LMBRD2: variants seen among roughly 807,000 people sequenced by gnomAD.
The protein encoded by LMBRD2 is G protein-coupled receptor-associated protein LMBRD2.
Under a neutral mutation model 94.4 loss-of-function variants are expected in LMBRD2, and 55 were observed. The observed-to-expected ratio is 0.58, with a 90% CI of 0.47 to 0.73. The LOEUF is 0.73. Ranked by LOEUF, LMBRD2 falls within the 30% of genes least tolerant of loss-of-function variation. The pLI is 0.00. For synonymous variants in LMBRD2, 246 were observed against 272.4 expected (o/e 0.90, Z 0.95); for missense variants, 640 against 831.9 (o/e 0.77, Z 2.84).
At chr5:36,118,783 T>C (rs929128901) in intron 9 of LMBRD2, among the ~76,000 whole-genome samples, 6 of 151,946 alleles carry the variant, frequency 3.9e-5, no homozygotes, top group African/African-American at 4.8e-5. Flanking sequence ...CCCAAGTAAC[T>C]GGAATTACAG....
chr5:36,147,793 T>TGAGA (rs147065942), intron 1 of LMBRD2: 8 of 319,380 alleles, frequency 2.5e-5, no homozygotes, highest in Non-Finnish European at 4.9e-5. Context: ...CCAAATGTTT[T>TGAGA]GAGAGAGAGA....
At chr5:36,114,976 T>C (rs751867127) in intron 12 of LMBRD2, 39 bp downstream of exon 12, 1 of 1,285,568 alleles carries the variant, frequency 7.8e-7, no homozygotes, top group Non-Finnish European at 1.1e-6. Context: ...CTCATATAGA[T>C]AGTGAACCTA....
chr5:36,134,871 G>C (rs933646670), intron 6 of LMBRD2, among the ~76,000 whole-genome samples: 1 of 152,112 alleles, frequency 6.6e-6, no homozygotes, highest in Non-Finnish European at 1.5e-5. Context: ...AAATGAAATA[G>C]GAATTAGCTG....
At chr5:36,134,780 A>C (rs1344698555) in intron 6 of LMBRD2, among the ~76,000 whole-genome samples, 5 of 152,144 alleles carry the variant, frequency 3.3e-5, no homozygotes, top group Admixed American at 3.3e-4. Context: ...TAAGCCACCC[A>C]GTTTGTAGTA....
intron 15 of LMBRD2, among the ~76,000 whole-genome samples, chr5:36,109,261 C>A (rs147745018): frequency 6.6e-6 from 1 of 151,978 alleles, no homozygotes; most frequent in East Asian, 1.9e-4. Context: ...TTCCTATGTC[C>A]GAGAAGCCTA....
intron 6 of LMBRD2, among the ~76,000 whole-genome samples, chr5:36,135,641 T>G (rs1744253029): frequency 6.6e-6 from 1 of 152,138 alleles, no homozygotes; most frequent in Admixed American, 6.5e-5. Context: ...ATCAGCTGAG[T>G]AGCATATTTT....
chr5:36,131,164 T>C (rs1331837375), intron 6 of LMBRD2, among the ~76,000 whole-genome samples: 2 of 152,126 alleles, frequency 1.3e-5, no homozygotes, highest in Non-Finnish European at 2.9e-5. Flanking sequence ...ATACTAGGAA[T>C]ACAAGAATGG....
intron 4 of LMBRD2, among the ~76,000 whole-genome samples, chr5:36,140,366 G>A (rs1296170495): frequency 6.6e-6 from 1 of 152,234 alleles, no homozygotes; most frequent in Non-Finnish European, 1.5e-5. Flanking sequence ...AGAGCCAGGA[G>A]CATGAGCTAA....
At position 36,117,662 on chromosome 5, in the gene LMBRD2, A is replaced by C. The variant is rs1743789496; in HGVS notation, c.1302+73T>G. On this transcript the variant is annotated intron_variant, in intron 10 of 17. Coordinates refer to ENST00000296603, the MANE Select transcript of LMBRD2 (RefSeq NM_001007527.2). ...ACTGCTTTCATTTTTACTAGAAGAA[A>C]TACATGGAGAAAATAGTTAAGGATT... 1.7e-5 allele frequency: 18 copies of C among 1,076,180 alleles called. No homozygotes were observed. The South Asian group carries it at 3.9e-4, about 24-fold the overall frequency. The allele number at this position is 1,076,180 out of a possible 1,614,324, so 66.7% of individuals were successfully genotyped here. A position where few individuals can be genotyped will look rare whatever the true frequency, so the allele number is the denominator to read the frequency against.
intron 10 of LMBRD2, among the ~76,000 whole-genome samples, chr5:36,117,223 C>T (rs1032754739): frequency 6.6e-6 from 1 of 152,100 alleles, no homozygotes; most frequent in Admixed American, 6.6e-5. Flanking sequence ...ATTCCCAGGG[C>T]CAAGTGTGAT....
chr5:36,106,508 C>CTTTTTTTTTTTTTTTTTTTTT lies in LMBRD2; in HGVS notation c.1898-1312_1898-1311insAAAAAAAAAAAAAAAAAAAAA, dbSNP rs201602814. On this transcript the variant is annotated intron_variant, in intron 16 of 17. Transcript: ENST00000296603. ...TCAAAATCCCAACTTTTTTTTCTTT[C>CTTTTTTTTTTTTTTTTTTTTT]GTTTTTTTTTTTTTTTTTTTTGATG... Among the ~76,000 whole-genome samples, 2 of 132,868 alleles carry CTTTTTTTTTTTTTTTTTTTTT rather than the reference C, an allele frequency of 1.5e-5. 1 individual carries two copies. 87.2% of individuals were successfully genotyped at this position (132,868 alleles called of 152,430 possible). A position where few individuals can be genotyped will look rare whatever the true frequency, so the allele number is the denominator to read the frequency against.
chr5:36,105,159 T>C lies in LMBRD2; in HGVS notation c.1936A>G (p.Arg646Gly). 6.2e-7 allele frequency: 1 copy of C among 1,612,686 alleles called. No homozygotes were observed. The highest frequency in any genetic ancestry group is 8.5e-7 in the Non-Finnish European group (1 of 1,179,026). The change falls in exon 17 of 18, where the codon AGG (arginine) becomes GGG (glycine). Residue 646 changes from arginine to glycine, a missense_variant. Transcript: ENST00000296603. ...KYTRANNRTE[R>G]DRIELLQDAE... is the part of the protein sequence containing the mutation. Reference sequence around the variant, plus strand: ...TCTTGGAGAAGTTCTATCCGGTCCCTTTCAGTCCTGTTATTAGCCCTGGTA... The same window carrying C: ...TCTTGGAGAAGTTCTATCCGGTCCCCTTCAGTCCTGTTATTAGCCCTGGTA...
At chr5:36,148,878 C>T (rs1744618559) in intron 1 of LMBRD2, among the ~76,000 whole-genome samples, 1 of 152,176 alleles carries the variant, frequency 6.6e-6, no homozygotes, top group Non-Finnish European at 1.5e-5. Context: ...AAATTAGAAA[C>T]TTTCTCCCAT....
chr5:36,138,390 C>T (rs1744321057), intron 4 of LMBRD2, among the ~76,000 whole-genome samples: 1 of 152,158 alleles, frequency 6.6e-6, no homozygotes, highest in Non-Finnish European at 1.5e-5. Flanking sequence ...GAACAGAATA[C>T]TGATACATAC....
intron 4 of LMBRD2, among the ~76,000 whole-genome samples, chr5:36,140,430 T>G (rs1351886946): frequency 2.0e-5 from 3 of 152,112 alleles, no homozygotes; most frequent in African/African-American, 7.2e-5. Flanking sequence ...CTGAGTAAAA[T>G]TCAGGCAAAG....
At chr5:36,109,212 C>A (rs986849708) in intron 15 of LMBRD2, among the ~76,000 whole-genome samples, 1 of 152,022 alleles carries the variant, frequency 6.6e-6, no homozygotes, top group Non-Finnish European at 1.5e-5. Context: ...AACATCCTTG[C>A]CAGATGCTTT....
chr5:36,137,378 G>A lies in LMBRD2; in HGVS notation c.432C>T (p.Ile144=), dbSNP rs865846667. The A allele has an allele frequency of 9.3e-6, 15 of 1,605,466 alleles. No individual in the cohort carries two copies. The East Asian group carries it at 3.4e-4, about 36-fold the overall frequency. Residue 144 remains isoleucine (I), a synonymous_variant, in exon 5 of 18, where the codon ATC becomes ATT. Transcript: ENST00000296603. ...RSGGFSITGK[I]KTALIENAIY... is the part of the protein sequence containing the mutation. ...TTGCATTCTCAATTAGTGCAGTTTT[G>A]ATCTTTCCAGTGATGGAAAACCCTC...
chr5:36,147,952 G>C (rs73080005), intron 1 of LMBRD2: 2 of 351,262 alleles, frequency 5.7e-6, no homozygotes, highest in Admixed American at 4.5e-5. Flanking sequence ...AAATATCTGA[G>C]TCTGATGAAT....
chr5:36,146,947 T>TGTGTGTGTGTGTGTGTGTGA (rs1744562898), intron 1 of LMBRD2, among the ~76,000 whole-genome samples: 1 of 141,136 alleles, frequency 7.1e-6, no homozygotes, highest in Non-Finnish European at 1.5e-5. Context: ...TGTGAGTGTG[T>TGTGTGTGTGTGTGTGTGTGA]GTGTGTGTGT....
Sources: allele counts gnomAD v4.1 joint callset (sites outside exome capture counted in the v4.1 genomes callset), GRCh38; gene constraint gnomAD v4.1.1; transcripts MANE v1.5; gene names NCBI Gene and HGNC (gene_info 2026-07-23, HGNC 2026-07-21).